The following CEP128 variants were observed in gnomAD, a reference collection of about 807,000 sequenced individuals.
The protein encoded by CEP128 is centrosomal protein 128.
A neutral mutation model predicts 156.7 loss-of-function variants in CEP128; 132 were observed. That is an observed-to-expected ratio of 0.84 (90% CI 0.73 to 0.97). The LOEUF is 0.97. Among genes scored for constraint, CEP128 ranks in the 50% least tolerant of loss-of-function variants. The probability of loss-of-function intolerance (pLI) is 0.00; values close to 1 mark genes in which losing one functional copy is unlikely to be tolerated. For synonymous variants in CEP128, 469 were observed against 448.9 expected (o/e 1.04, Z -0.57); for missense variants, 1,252 against 1,281.9 (o/e 0.98, Z 0.36).
At chr14:80,735,280 G>A (rs561453814) in intron 19 of CEP128, among the ~76,000 whole-genome samples, 75 of 152,030 alleles carry the variant, frequency 4.9e-4, no homozygotes, top group Non-Finnish European at 9.6e-4. Context: ...TCTCCATTTC[G>A]GGTTCACTCA....
chr14:80,533,216 A>G (rs1889311635), intron 21 of CEP128, among the ~76,000 whole-genome samples: 3 of 152,188 alleles, frequency 2.0e-5, no homozygotes, highest in Non-Finnish European at 2.9e-5. Flanking sequence ...TGACTCTTGA[A>G]CAATAAAATA....
intron 9 of CEP128, among the ~76,000 whole-genome samples, chr14:80,856,547 G>C (rs1020917889): frequency 1.3e-5 from 2 of 151,834 alleles, no homozygotes; most frequent in African/African-American, 4.8e-5. Context: ...GGGAAGCTGA[G>C]GTAGAAGGAT....
chr14:80,547,220 C>T (rs1239701762), intron 21 of CEP128, among the ~76,000 whole-genome samples: 1 of 152,124 alleles, frequency 6.6e-6, no homozygotes, highest in Non-Finnish European at 1.5e-5. Flanking sequence ...ACTCCATTTA[C>T]CAGTGAGCTT....
chr14:80,749,684 G>C (rs1183102003), intron 18 of CEP128, among the ~76,000 whole-genome samples: 1 of 152,082 alleles, frequency 6.6e-6, no homozygotes, highest in Admixed American at 6.6e-5. Context: ...TATAGAATGA[G>C]TAATATCTAG....
chr14:80,704,743 T>C (rs1315893025), intron 19 of CEP128, among the ~76,000 whole-genome samples: 2 of 148,738 alleles, frequency 1.3e-5, no homozygotes, highest in East Asian at 4.3e-4. Flanking sequence ...ATTCTGTCTC[T>C]CCTTCCTTCA....
intron 21 of CEP128, among the ~76,000 whole-genome samples, chr14:80,544,545 C>T (rs1346440134): frequency 6.6e-6 from 1 of 152,114 alleles, no homozygotes; most frequent in African/African-American, 2.4e-5. Flanking sequence ...ACCTCATGAC[C>T]TCATGACCTA....
chr14:80,763,434 T>A (rs1453897751), intron 16 of CEP128, among the ~76,000 whole-genome samples: 2 of 152,182 alleles, frequency 1.3e-5, no homozygotes, highest in Admixed American at 6.5e-5. Flanking sequence ...TGAACAGTAT[T>A]TGATAATTGT....
intron 8 of CEP128, among the ~76,000 whole-genome samples, chr14:80,872,761 A>G (rs1447481869): frequency 6.6e-6 from 1 of 152,216 alleles, no homozygotes; most frequent in East Asian, 1.9e-4. Context: ...GCAGGTTATG[A>G]ATTCACAAAT....
chr14:80,893,720 T>G (rs953656264), intron 8 of CEP128, among the ~76,000 whole-genome samples: 1 of 151,710 alleles, frequency 6.6e-6, no homozygotes, highest in African/African-American at 2.4e-5. Flanking sequence ...GGTAAGAAAT[T>G]TTGGGGGTGA....
chr14:80,814,068 C>T (rs371243722), intron 13 of CEP128, among the ~76,000 whole-genome samples: 6 of 152,154 alleles, frequency 3.9e-5, no homozygotes, highest in African/African-American at 1.2e-4. Context: ...TAAGGTAACA[C>T]GTCTCCCTTG....
chr14:80,526,996 A>AC lies in CEP128; in HGVS notation c.2959-15_2959-14insG. ...ACTGCAGGAATCCTGGAAAAAAAAA[A>AC]AAGCAAAGGGTCTGAACTGGTAGAT... On this transcript the variant is annotated splice_polypyrimidine_tract_variant and intron_variant, in intron 22 of 24. Coordinates refer to ENST00000555265, the MANE Select transcript of CEP128 (RefSeq NM_152446.5). 1 of 1,392,292 alleles carries AC rather than the reference A, an allele frequency of 7.2e-7. No homozygotes were observed. The allele number at this position is 1,392,292 out of a possible 1,614,324, so 86.2% of individuals were successfully genotyped here.
chr14:80,844,900 A>G (rs1566666352), intron 9 of CEP128, among the ~76,000 whole-genome samples: 1 of 152,044 alleles, frequency 6.6e-6, no homozygotes, highest in Non-Finnish European at 1.5e-5. Context: ...TGGTTCCACT[A>G]TGCCCATACC....
chr14:80,589,126 G>A (rs1379115931), intron 19 of CEP128, among the ~76,000 whole-genome samples: 4 of 152,092 alleles, frequency 2.6e-5, no homozygotes, highest in East Asian at 1.9e-4. Context: ...AGGGAAGCAT[G>A]AGCCAAGGGA....
intron 19 of CEP128, among the ~76,000 whole-genome samples, chr14:80,622,436 A>G (rs1893519452): frequency 6.7e-6 from 1 of 150,118 alleles, no homozygotes; most frequent in South Asian, 2.1e-4. Flanking sequence ...AGCAATGGCA[A>G]CAAAAGACAA....
intron 6 of CEP128, among the ~76,000 whole-genome samples, chr14:80,901,111 C>G (rs1157022482): frequency 6.6e-6 from 1 of 151,744 alleles, no homozygotes; most frequent in Non-Finnish European, 1.5e-5. Context: ...GAGGCTGAGG[C>G]AGGAGAATGG....
At chr14:80,499,331 T>C (rs1313399807) in intron 24 of CEP128, among the ~76,000 whole-genome samples, 4 of 152,202 alleles carry the variant, frequency 2.6e-5, no homozygotes, top group African/African-American at 9.6e-5. Flanking sequence ...AAACTACCAT[T>C]AGAGGCACCT....
intron 19 of CEP128, among the ~76,000 whole-genome samples, chr14:80,613,154 C>T (rs1025858050): frequency 6.6e-6 from 1 of 151,822 alleles, no homozygotes; most frequent in Non-Finnish European, 1.5e-5. Context: ...CCACGCCCGG[C>T]CCATTGCTCT....
At chr14:80,778,921 T>C (rs1325965140) in intron 15 of CEP128, among the ~76,000 whole-genome samples, 1 of 152,194 alleles carries the variant, frequency 6.6e-6, no homozygotes, top group Admixed American at 6.5e-5. Flanking sequence ...GGTATTATGA[T>C]TGTCCTTATT....
At chr14:80,696,620 C>G (rs1896900206) in intron 19 of CEP128, among the ~76,000 whole-genome samples, 1 of 152,094 alleles carries the variant, frequency 6.6e-6, no homozygotes, top group South Asian at 2.1e-4. Context: ...TCAAGTGTTA[C>G]AGAGAAACAA....
Sources: gnomAD v4.1 joint callset for allele counts (sites outside exome capture counted in the v4.1 genomes callset) on GRCh38, gnomAD v4.1.1 for gene constraint, MANE v1.5 for transcripts, NCBI Gene and HGNC (gene_info 2026-07-23, HGNC 2026-07-21) for gene names.